Variants in CEP128 observed in about 807,000 individuals in gnomAD.
The protein encoded by CEP128 is centrosomal protein 128kDa.
A neutral mutation model predicts 156.7 loss-of-function variants in CEP128; 132 were observed. The ratio of observed to expected loss-of-function variants is 0.84; its 90% confidence interval spans 0.73 to 0.97. CEP128 has a LOEUF of 0.97. CEP128 is among the 50% of genes least tolerant of loss of function. CEP128 has a pLI of 0.00. For synonymous variants in CEP128, 469 were observed against 448.9 expected, an observed-to-expected ratio of 1.04 and a Z score of -0.57; for missense variants, 1,252 against 1,281.9, an observed-to-expected ratio of 0.98 and a Z score of 0.36.
chr14:80,785,930 T>C (rs749348155), intron 14 of CEP128, among the ~76,000 whole-genome samples: 7 of 152,150 alleles, frequency 4.6e-5, no homozygotes, highest in Non-Finnish European at 8.8e-5. Flanking sequence ...ATAATACTGA[T>C]GTACATTCCA....
At chr14:80,955,741 G>A (rs1006500286) in intron 2 of CEP128, 23 of 1,614,060 alleles carry the variant, frequency 1.4e-5, no homozygotes, top group Non-Finnish European at 1.9e-5. Context: ...GGACCTGGGC[G>A]GAATGGGGTG....
chr14:80,957,466 C>T (rs78666082), intron 2 of CEP128, among the ~76,000 whole-genome samples: 2 of 144,382 alleles, frequency 1.4e-5, no homozygotes, highest in African/African-American at 5.1e-5. Flanking sequence ...TCAGAAAAAA[C>T]AAAAAAAAAA....
chr14:80,821,739 G>C (rs1885197512), intron 13 of CEP128, among the ~76,000 whole-genome samples: 1 of 151,398 alleles, frequency 6.6e-6, no homozygotes, highest in Non-Finnish European at 1.5e-5. Flanking sequence ...GAAGTGGTGT[G>C]AACATGGCTC....
intron 14 of CEP128, among the ~76,000 whole-genome samples, chr14:80,481,751 T>C (rs539694766): frequency 6.6e-6 from 1 of 152,320 alleles, no homozygotes; most frequent in South Asian, 2.1e-4. Flanking sequence ...CTAATCCCCT[T>C]ACAGTAGTCA....
At chr14:80,678,727 T>A (rs532886511) in intron 19 of CEP128, among the ~76,000 whole-genome samples, 1 of 152,070 alleles carries the variant, frequency 6.6e-6, no homozygotes, top group South Asian at 2.1e-4. Flanking sequence ...GGAGTTAACA[T>A]GGTGAGAGGC....
chr14:80,561,913 T>TATATATATATA (rs1566781226), intron 20 of CEP128, among the ~76,000 whole-genome samples: 2 of 148,406 alleles, frequency 1.3e-5, no homozygotes, highest in Non-Finnish European at 3.0e-5. Context: ...TATATATATA[T>TATATATATATA]TTGTTTTGTT....
At position 80,496,910 on chromosome 14, in the gene CEP128, G is replaced by A. The variant is rs1272067565; in HGVS notation, c.*569C>T. On this transcript the variant is annotated 3_prime_UTR_variant, in exon 25 of 25. Transcript: ENST00000555265. Reference sequence around the variant, plus strand: ...AATGGATGATTGGAAATAATTTTCAGCTACGGTATGCAGTTGTGGACTGTT... The same window carrying A: ...AATGGATGATTGGAAATAATTTTCAACTACGGTATGCAGTTGTGGACTGTT... 1 of 152,220 alleles carries A rather than the reference G, an allele frequency of 6.6e-6. No individual in the cohort carries two copies. Among genetic ancestry groups the A allele is most frequent in the Admixed American group, 6.5e-5 (1 of 15,270 alleles). The allele number at this position is 152,220 out of a possible 1,614,324, so 9.4% of individuals were successfully genotyped here.
intron 19 of CEP128, among the ~76,000 whole-genome samples, chr14:80,588,551 T>C (rs573306421): frequency 2.0e-5 from 3 of 152,244 alleles, no homozygotes; most frequent in South Asian, 2.1e-4. Flanking sequence ...ACTGAAAATT[T>C]TGAAAAATTT....
At chr14:80,766,094 T>A (rs370424963) in intron 16 of CEP128, among the ~76,000 whole-genome samples, 1 of 152,184 alleles carries the variant, frequency 6.6e-6, no homozygotes, top group South Asian at 2.1e-4. Flanking sequence ...TGAACATGCA[T>A]AATATCCCAA....
intron 11 of CEP128, among the ~76,000 whole-genome samples, chr14:80,837,840 A>C (rs1407921373): frequency 6.6e-6 from 1 of 152,220 alleles, no homozygotes; most frequent in Non-Finnish European, 1.5e-5. Context: ...TGCTGCATGT[A>C]GTTTACTTCT....
rs10672093 is a variant in CEP128 at position 80,732,471 on chromosome 14, GGTGTGTGTGTGTGTGTGTGT to G, written c.2806+10584_2806+10603del. On this transcript the variant is annotated intron_variant, in intron 19 of 24. Transcript: ENST00000555265. ...TTCATCTGGCAGAACTGATTAAGCA[GGTGTGTGTGTGTGTGTGTGT>G]GTGTGTGTGTGTGTGTGTGTGTGTG... Among the ~76,000 whole-genome samples the G allele has an allele frequency of 5.4e-4, 69 of 127,728 alleles. 1 individual carries two copies. Among genetic ancestry groups the G allele is most frequent in the South Asian group, 3.9e-3 (14 of 3,590 alleles). 83.8% of individuals were successfully genotyped at this position (127,728 alleles called of 152,430 possible).
intron 14 of CEP128, among the ~76,000 whole-genome samples, chr14:80,788,059 T>C (rs1230374461): frequency 2.6e-5 from 4 of 152,170 alleles, no homozygotes; most frequent in Non-Finnish European, 5.9e-5. Flanking sequence ...GGAATTTCTT[T>C]GGCAATACAG....
chr14:80,923,062 G>C (rs1215610614), intron 2 of CEP128, among the ~76,000 whole-genome samples: 1 of 152,202 alleles, frequency 6.6e-6, no homozygotes, highest in African/African-American at 2.4e-5. Context: ...GGGTGACCTT[G>C]AGAGAAAGTC....
In CEP128 at chr14:80,577,533, A is replaced by G. The variant is rs187489456; in HGVS notation, c.2856+2841T>C. On this transcript the variant is annotated intron_variant, in intron 20 of 24. Coordinates refer to ENST00000555265, the MANE Select transcript of CEP128 (RefSeq NM_152446.5). Reference sequence around the variant, plus strand: ...AATCTCAAAGTTCCATGGACTTTATATTCTAAAACATATTAAGAAGTCACC... The same window carrying G: ...AATCTCAAAGTTCCATGGACTTTATGTTCTAAAACATATTAAGAAGTCACC... Among the ~76,000 whole-genome samples the G allele has an allele frequency of 1.8e-3, 276 of 152,200 alleles. 1 individual carries two copies. Among genetic ancestry groups the G allele is most frequent in the South Asian group, 3.3e-3 (16 of 4,820 alleles).
intron 19 of CEP128, among the ~76,000 whole-genome samples, chr14:80,606,141 A>G (rs952068351): frequency 3.9e-5 from 6 of 152,032 alleles, no homozygotes; most frequent in Admixed American, 1.3e-4. Flanking sequence ...TCCTCAAGTA[A>G]TTTTTAACAC....
chr14:80,828,364 C>A (rs1275713016), intron 13 of CEP128, among the ~76,000 whole-genome samples: 3 of 152,122 alleles, frequency 2.0e-5, no homozygotes, highest in Non-Finnish European at 1.5e-5. Flanking sequence ...CTCAAGTGAT[C>A]CGCCTGCCTT....
chr14:80,796,518 C>A (rs1883489728), intron 13 of CEP128, among the ~76,000 whole-genome samples: 1 of 152,066 alleles, frequency 6.6e-6, no homozygotes, highest in Non-Finnish European at 1.5e-5. Context: ...TGTTAATAAC[C>A]CCTTGCTCAT....
At chr14:80,903,605 C>T (rs144501361) in intron 6 of CEP128, among the ~76,000 whole-genome samples, 37 of 150,748 alleles carry the variant, frequency 2.5e-4, no homozygotes, top group African/African-American at 7.6e-4. Flanking sequence ...ATATGTCTGA[C>T]AAGGCGTTAA....
At chr14:80,899,214 G>A (rs561519568) in intron 7 of CEP128, among the ~76,000 whole-genome samples, 12 of 152,246 alleles carry the variant, frequency 7.9e-5, no homozygotes, top group African/African-American at 2.9e-4. Flanking sequence ...ACACAGAACT[G>A]GTGTGTGGGA....
Sources: gnomAD v4.1 joint callset for allele counts (sites outside exome capture counted in the v4.1 genomes callset) on GRCh38, gnomAD v4.1.1 for gene constraint, MANE v1.5 for transcripts, NCBI Gene and HGNC (gene_info 2026-07-23, HGNC 2026-07-21) for gene names.